LRRTM4: variants seen among roughly 807,000 people sequenced by gnomAD.
The protein encoded by LRRTM4 is leucine rich repeat transmembrane neuronal 4.
LRRTM4 carries 25 observed loss-of-function variants against 47.6 expected under a neutral mutation model. The ratio of observed to expected loss-of-function variants is 0.53; its 90% CI spans 0.38 to 0.73. LRRTM4 has a LOEUF of 0.73. Ranked by LOEUF, LRRTM4 falls within the 30% of genes least tolerant of loss-of-function variation. The pLI is 0.00. For synonymous variants in LRRTM4, 311 were observed against 269.5 expected, an observed-to-expected ratio of 1.15 and a Z score of -1.51; for missense variants, 638 against 713.4, an observed-to-expected ratio of 0.89 and a Z score of 1.20.
At chr2:76,791,591 G>T (rs936943351) in intron 3 of LRRTM4, among the ~76,000 whole-genome samples, 7 of 152,078 alleles carry the variant, frequency 4.6e-5, no homozygotes, top group Admixed American at 2.6e-4. Context: ...CCATTTACAG[G>T]ACAAGGGGAA....
chr2:76,824,908 A>T (rs1671150306), intron 3 of LRRTM4, among the ~76,000 whole-genome samples: 2 of 151,650 alleles, frequency 1.3e-5, no homozygotes, highest in Admixed American at 6.6e-5. Context: ...CAGATTTCAC[A>T]GCATACATCT....
At chr2:77,244,722 A>C (rs1046319792) in intron 3 of LRRTM4, among the ~76,000 whole-genome samples, 1 of 152,140 alleles carries the variant, frequency 6.6e-6, no homozygotes, top group African/African-American at 2.4e-5. Context: ...AAAACTGTGA[A>C]TTTCCTCTTG....
At chr2:76,938,028 T>A (rs559268315) in intron 3 of LRRTM4, among the ~76,000 whole-genome samples, 2 of 152,238 alleles carry the variant, frequency 1.3e-5, no homozygotes, top group South Asian at 4.1e-4. Context: ...ATACCCTCCT[T>A]TTTTCCTTCC....
At chr2:77,199,694 TATC>T (rs1304176149) in intron 3 of LRRTM4, among the ~76,000 whole-genome samples, 1 of 152,136 alleles carries the variant, frequency 6.6e-6, no homozygotes, top group African/African-American at 2.4e-5. Context: ...ACAAAAATTT[TATC>T]ATGAACATTC....
intron 3 of LRRTM4, among the ~76,000 whole-genome samples, chr2:76,786,452 T>C (rs1017673923): frequency 7.2e-5 from 11 of 152,118 alleles, no homozygotes; most frequent in African/African-American, 2.7e-4. Context: ...AATTCTTTCA[T>C]TGTCATAGAA....
intron 3 of LRRTM4, among the ~76,000 whole-genome samples, chr2:77,323,729 T>A (rs1236020446): frequency 1.3e-5 from 2 of 152,148 alleles, no homozygotes; most frequent in African/African-American, 4.8e-5. Context: ...TCGAACTGCA[T>A]CTTTCTAATG....
intron 3 of LRRTM4, among the ~76,000 whole-genome samples, chr2:77,256,854 G>A (rs1675782957): frequency 6.6e-6 from 1 of 151,992 alleles, no homozygotes; most frequent in Admixed American, 6.6e-5. Context: ...AGAGAGGAAG[G>A]GAGGGAGGGA....
intron 3 of LRRTM4, among the ~76,000 whole-genome samples, chr2:77,213,271 T>C (rs980311645): frequency 5.9e-5 from 9 of 152,136 alleles, no homozygotes; most frequent in African/African-American, 2.2e-4. Flanking sequence ...CATTGCCAAG[T>C]TGACAGCAAA....
chr2:77,409,921 C>A (rs1674354169), intron 3 of LRRTM4, among the ~76,000 whole-genome samples: 1 of 152,140 alleles, frequency 6.6e-6, no homozygotes, highest in South Asian at 2.1e-4. Flanking sequence ...AAGTAGAAAA[C>A]ATCTCCCAAC....
At chr2:76,859,447 T>C (rs939959971) in intron 3 of LRRTM4, among the ~76,000 whole-genome samples, 5 of 152,166 alleles carry the variant, frequency 3.3e-5, no homozygotes, top group African/African-American at 7.2e-5. Flanking sequence ...GTTAATAGTA[T>C]TGCTTTTGAA....
intron 3 of LRRTM4, among the ~76,000 whole-genome samples, chr2:77,396,786 T>A (rs1382741516): frequency 2.6e-5 from 4 of 151,946 alleles, no homozygotes; most frequent in Non-Finnish European, 5.9e-5. Flanking sequence ...GTAAAGTGAT[T>A]AAACAGCATT....
At chr2:77,238,236 T>C (rs1252987908) in intron 3 of LRRTM4, among the ~76,000 whole-genome samples, 1 of 152,186 alleles carries the variant, frequency 6.6e-6, no homozygotes, top group Non-Finnish European at 1.5e-5. Context: ...ATGTATCCTA[T>C]AATATCATGT....
chr2:76,834,252 T>C (rs1232273592), intron 3 of LRRTM4, among the ~76,000 whole-genome samples: 1 of 151,010 alleles, frequency 6.6e-6, no homozygotes, highest in African/African-American at 2.4e-5. Flanking sequence ...GGTTTCACTA[T>C]ATTGGCCAGT....
At chr2:76,871,806 T>A (rs1340419625) in intron 3 of LRRTM4, among the ~76,000 whole-genome samples, 1 of 152,200 alleles carries the variant, frequency 6.6e-6, no homozygotes, top group East Asian at 1.9e-4. Context: ...AACTGCCCTA[T>A]GGAAGAGCCC....
At chr2:77,492,834 T>C (rs1025271814) in intron 3 of LRRTM4, among the ~76,000 whole-genome samples, 2 of 152,080 alleles carry the variant, frequency 1.3e-5, no homozygotes, top group African/African-American at 4.8e-5. Flanking sequence ...AGTTAATGTA[T>C]TGAAAATTGT....
intron 3 of LRRTM4, among the ~76,000 whole-genome samples, chr2:76,904,918 C>T (rs561083073): frequency 9.4e-4 from 143 of 152,254 alleles, no homozygotes; most frequent in Non-Finnish European, 1.8e-3. Context: ...GGAACAGCTT[C>T]GGTCTACAGC....
At chr2:77,227,857 C>T (rs140757564) in intron 3 of LRRTM4, among the ~76,000 whole-genome samples, 1 of 152,138 alleles carries the variant, frequency 6.6e-6, no homozygotes, top group East Asian at 1.9e-4. Context: ...TATGGTTATA[C>T]TTTCCAGCCT....
chr2:77,395,289 G>A (rs1673659635), intron 3 of LRRTM4, among the ~76,000 whole-genome samples: 1 of 151,946 alleles, frequency 6.6e-6, no homozygotes, highest in Non-Finnish European at 1.5e-5. Context: ...CCAAAAGGGA[G>A]TCTGTTCAGT....
intron 3 of LRRTM4, among the ~76,000 whole-genome samples, chr2:76,783,315 C>A (rs1180307670): frequency 6.6e-6 from 1 of 151,944 alleles, no homozygotes; most frequent in Non-Finnish European, 1.5e-5. Flanking sequence ...AAATTAAAGG[C>A]AAATAATGGT....
Sources: gnomAD v4.1 joint callset for allele counts (sites outside exome capture counted in the v4.1 genomes callset) on GRCh38, gnomAD v4.1.1 for gene constraint, MANE v1.5 for transcripts, NCBI Gene and HGNC (gene_info 2026-07-23, HGNC 2026-07-21) for gene names.